The following CFAP20DC variants were observed in gnomAD, a reference collection of about 807,000 sequenced individuals.
CFAP20DC encodes the protein protein CFAP20DC.
CFAP20DC carries 84 observed loss-of-function variants against 101.7 expected under a neutral mutation model. That is an observed-to-expected ratio of 0.83 (90% CI 0.69 to 0.99). The LOEUF (loss-of-function observed/expected upper bound fraction) is 0.99, where lower values mean the gene tolerates loss of function less well. Ranked by LOEUF, CFAP20DC falls within the 50% of genes least tolerant of loss-of-function variation. The probability of loss-of-function intolerance (pLI) is 0.00; values close to 1 mark genes in which losing one functional copy is unlikely to be tolerated. For synonymous variants in CFAP20DC, 359 were observed against 351.2 expected, an observed-to-expected ratio of 1.02 and a Z score of -0.25; for missense variants, 1,007 against 970.3, an observed-to-expected ratio of 1.04 and a Z score of -0.50.
chr3:58,970,637 C>A (rs544937788), intron 4 of CFAP20DC: 1 of 152,252 alleles, frequency 6.6e-6, no homozygotes, highest in East Asian at 1.9e-4. Context: ...GAAACCAATA[C>A]AGTAATTTCC....
At chr3:58,941,504 C>T (rs2088579777) in intron 4 of CFAP20DC, among the ~76,000 whole-genome samples, 1 of 151,948 alleles carries the variant, frequency 6.6e-6, no homozygotes, top group Admixed American at 6.6e-5. Context: ...TATACATAAA[C>T]AATCATGTCC....
intron 13 of CFAP20DC, among the ~76,000 whole-genome samples, chr3:58,835,193 C>T (rs996021140): frequency 2.6e-5 from 4 of 152,070 alleles, no homozygotes; most frequent in African/African-American, 9.7e-5. Context: ...TCACAGTCTA[C>T]AAAGGGAGAC....
intron 4 of CFAP20DC, among the ~76,000 whole-genome samples, chr3:59,027,756 T>C (rs1426233166): frequency 2.0e-5 from 3 of 152,316 alleles, no homozygotes; most frequent in South Asian, 2.1e-4. Flanking sequence ...ATGTTTGTAG[T>C]GCTCCTCCTG....
At chr3:58,807,385 C>T (rs548800496) in intron 14 of CFAP20DC, among the ~76,000 whole-genome samples, 6 of 152,308 alleles carry the variant, frequency 3.9e-5, no homozygotes, top group African/African-American at 1.4e-4. Flanking sequence ...GAGGAACGAT[C>T]AGACAGCAGC....
intron 4 of CFAP20DC, among the ~76,000 whole-genome samples, chr3:58,969,421 A>G (rs1252931337): frequency 6.6e-6 from 1 of 152,184 alleles, no homozygotes; most frequent in African/African-American, 2.4e-5. Flanking sequence ...CTTTGGAAAC[A>G]GTTTCAAATA....
At chr3:58,890,535 C>A (rs1214325087) in intron 6 of CFAP20DC, among the ~76,000 whole-genome samples, 2 of 150,806 alleles carry the variant, frequency 1.3e-5, no homozygotes, top group Non-Finnish European at 3.0e-5. Context: ...CCCCTCACCT[C>A]CCAGACGGGG....
chr3:58,941,576 CTT>C (rs1009423046), intron 4 of CFAP20DC, among the ~76,000 whole-genome samples: 1 of 147,128 alleles, frequency 6.8e-6, no homozygotes. Context: ...ATTTCTTTTT[CTT>C]TTTTTTTTGA....
intron 2 of CFAP20DC, 54 bp downstream of exon 2, chr3:59,047,111 G>T: frequency 2.6e-6 from 3 of 1,159,166 alleles, no homozygotes; most frequent in Non-Finnish European, 3.7e-6. Context: ...TCTTCTATAA[G>T]CTTCACTCAC....
intron 15 of CFAP20DC, among the ~76,000 whole-genome samples, chr3:58,787,369 TG>T (rs1158823572): frequency 1.7e-4 from 25 of 146,548 alleles, no homozygotes; most frequent in African/African-American, 6.2e-4. Flanking sequence ...GGGATAGCAT[TG>T]GGAGATATAC....
intron 6 of CFAP20DC, among the ~76,000 whole-genome samples, chr3:58,907,653 C>T (rs1166764640): frequency 6.6e-6 from 1 of 152,164 alleles, no homozygotes; most frequent in Non-Finnish European, 1.5e-5. Flanking sequence ...AACATTACTC[C>T]ATGTCTTAGG....
chr3:59,016,650 A>G (rs2108931574), intron 4 of CFAP20DC, among the ~76,000 whole-genome samples: 1 of 152,254 alleles, frequency 6.6e-6, no homozygotes. Flanking sequence ...TCCCATAGGT[A>G]TGTACAATTG....
chr3:59,049,653 T>TG lies in CFAP20DC; in HGVS notation c.-23dup, dbSNP rs546931603. The TG allele has an allele frequency of 1.1e-3, 1,702 of 1,535,802 alleles. 29 individuals are homozygous for TG. In the South Asian group the frequency reaches 0.019, roughly 17 times the overall value. On this transcript the variant is annotated 5_prime_UTR_variant, in exon 1 of 17. Transcript: ENST00000482387. Reference sequence around the variant, plus strand: ...ACATTCCCGCAGGGGGCCCAGGGCTTGGGGGGCACAGAGTTCAGGGTTTCC... The same window carrying TG: ...ACATTCCCGCAGGGGGCCCAGGGCTTGGGGGGGCACAGAGTTCAGGGTTTCC...
intron 3 of CFAP20DC, among the ~76,000 whole-genome samples, chr3:59,044,661 A>C (rs1222687473): frequency 6.6e-6 from 1 of 152,154 alleles, no homozygotes; most frequent in Non-Finnish European, 1.5e-5. Flanking sequence ...CTATCTCAGA[A>C]TCAAATGAGA....
intron 15 of CFAP20DC, among the ~76,000 whole-genome samples, chr3:58,763,577 G>A (rs1337919720): frequency 6.6e-6 from 1 of 152,154 alleles, no homozygotes; most frequent in African/African-American, 2.4e-5. Context: ...TCCGTTGCTG[G>A]TGAGAAGCTG....
chr3:59,049,538 C>G (rs75044650), intron 1 of CFAP20DC, 73 bp downstream of exon 1: 1 of 1,384,230 alleles, frequency 7.2e-7, no homozygotes, highest in South Asian at 1.2e-5. Context: ...GCACTTTATC[C>G]TCACCCCGAT....
intron 4 of CFAP20DC, among the ~76,000 whole-genome samples, chr3:59,012,441 A>G (rs773027095): frequency 7.2e-5 from 11 of 152,074 alleles, no homozygotes; most frequent in African/African-American, 1.4e-4. Flanking sequence ...AAGACCTTCA[A>G]TGACAGTATG....
At chr3:58,877,165 C>A (rs1487274213) in intron 7 of CFAP20DC, among the ~76,000 whole-genome samples, 1 of 152,114 alleles carries the variant, frequency 6.6e-6, no homozygotes, top group Non-Finnish European at 1.5e-5. Context: ...TAAGTCTGTT[C>A]ACAGTCATTT....
chr3:58,754,269 GACTCAGAACTGA>G (rs1172232948), intron 15 of CFAP20DC, among the ~76,000 whole-genome samples: 1 of 152,166 alleles, frequency 6.6e-6, no homozygotes, highest in African/African-American at 2.4e-5. Flanking sequence ...TCCACAAGGT[GACTCAGAACTGA>G]AGTCAGTCTT....
chr3:58,890,754 G>A (rs1440489316), intron 6 of CFAP20DC, among the ~76,000 whole-genome samples: 6 of 149,346 alleles, frequency 4.0e-5, no homozygotes, highest in African/African-American at 1.2e-4. Flanking sequence ...ACGGGGTTGC[G>A]GCCGGGCAGA....
Sources: allele counts gnomAD v4.1 joint callset (sites outside exome capture counted in the v4.1 genomes callset), GRCh38; gene constraint gnomAD v4.1.1; transcripts MANE v1.5; gene names NCBI Gene and HGNC (gene_info 2026-07-23, HGNC 2026-07-21).